EFCAB8: variants seen among roughly 807,000 people sequenced by gnomAD.
The protein encoded by EFCAB8 is EF-hand calcium binding domain 8.
EFCAB8 carries 100 observed loss-of-function variants against 116.3 expected under a neutral mutation model. The observed-to-expected ratio is 0.86, with a 90% confidence interval of 0.73 to 1.02. EFCAB8 has a LOEUF of 1.02. EFCAB8 is among the 50% of genes least tolerant of loss of function. EFCAB8 has a pLI of 0.00. For missense variants in EFCAB8, 1,320 were observed against 1,416.9 expected (o/e 0.93, Z 1.10); for synonymous variants, 558 against 567.9 (o/e 0.98, Z 0.25).
intron 5 of EFCAB8, among the ~76,000 whole-genome samples, chr20:32,881,365 T>C (rs1418313555): frequency 6.6e-6 from 1 of 152,074 alleles, no homozygotes; most frequent in Non-Finnish European, 1.5e-5. Flanking sequence ...CCTAGCTAAT[T>C]TCTATGTTTT....
intron 17 of EFCAB8, among the ~76,000 whole-genome samples, chr20:32,913,439 G>A (rs1237481963): frequency 2.6e-5 from 4 of 152,024 alleles, no homozygotes; most frequent in Non-Finnish European, 4.4e-5. Flanking sequence ...AAATTTCCTC[G>A]CCTTAGGGAT....
chr20:32,882,383 G>A (rs575446334), intron 5 of EFCAB8, among the ~76,000 whole-genome samples: 4 of 152,244 alleles, frequency 2.6e-5, no homozygotes, highest in African/African-American at 7.2e-5. Context: ...TCCAAGTGTC[G>A]ACAGAACCCA....
chr20:32,942,664 A>G (rs555624130), intron 22 of EFCAB8, among the ~76,000 whole-genome samples: 1 of 152,128 alleles, frequency 6.6e-6, no homozygotes, highest in Admixed American at 6.5e-5. Context: ...TTGGTGTTCA[A>G]GTCAGTTTTT....
intron 20 of EFCAB8, among the ~76,000 whole-genome samples, chr20:32,928,099 T>C (rs1263996911): frequency 6.6e-6 from 1 of 152,236 alleles, no homozygotes; most frequent in Non-Finnish European, 1.5e-5. Context: ...GTAACTGGCT[T>C]ATGTCACTTA....
intron 9 of EFCAB8, among the ~76,000 whole-genome samples, 189 bp from the exon 10 acceptor site, chr20:32,896,265 C>G (rs912865006): frequency 6.6e-6 from 1 of 152,146 alleles, no homozygotes; most frequent in African/African-American, 2.4e-5. Flanking sequence ...CTGCCTGAGT[C>G]TTTTTCCTGG....
chr20:32,911,268 C>A (rs561632291), intron 15 of EFCAB8, among the ~76,000 whole-genome samples: 19 of 152,202 alleles, frequency 1.2e-4, no homozygotes, highest in African/African-American at 1.7e-4. Context: ...AACAGGTCTT[C>A]ACCAAACGTT....
At position 32,893,200 on chromosome 20, in the gene EFCAB8, G is replaced by A. The variant is rs749939956; in HGVS notation, c.785G>A (p.Cys262Tyr). 9 of 1,552,008 alleles carry A rather than the reference G, an allele frequency of 5.8e-6. No homozygotes were observed. The highest frequency in any genetic ancestry group is 7.8e-6 in the Non-Finnish European group (9 of 1,147,068). Residue 262 changes from cysteine (C) to tyrosine (Y), a missense_variant, in exon 9 of 27, where the codon TGC (cysteine) becomes TAC (tyrosine). Coordinates refer to ENST00000400522, the MANE Select transcript of EFCAB8 (RefSeq NM_001143967.2). ...TCTGACTATCACAGAGGTGTGTTCT[G>A]CTATGGAGACGCCAAAGGCAACGTC... ...YWSDYHRGVF[C>Y]YGDAKGNVIV...
intron 23 of EFCAB8, among the ~76,000 whole-genome samples, chr20:32,950,313 ACT>A (rs1988759757): frequency 6.6e-6 from 1 of 152,224 alleles, no homozygotes; most frequent in African/African-American, 2.4e-5. Context: ...GAATATATAA[ACT>A]CTCAGAACTC....
intron 11 of EFCAB8, among the ~76,000 whole-genome samples, chr20:32,905,243 G>A (rs528107822): frequency 6.6e-6 from 1 of 152,310 alleles, no homozygotes; most frequent in East Asian, 1.9e-4. Flanking sequence ...TTATGGCTGA[G>A]ACCCTGATAA....
At chr20:32,942,955 T>C (rs1302168943) in intron 22 of EFCAB8, among the ~76,000 whole-genome samples, 1 of 152,220 alleles carries the variant, frequency 6.6e-6, no homozygotes, top group African/African-American at 2.4e-5. Context: ...TCTATTGTCT[T>C]CCATTGCTTT....
At chr20:32,886,457 C>A (rs576121210) in intron 6 of EFCAB8, among the ~76,000 whole-genome samples, 1 of 152,302 alleles carries the variant, frequency 6.6e-6, no homozygotes, top group African/African-American at 2.4e-5. Context: ...ATTGAGAACA[C>A]AGCCCCCAGA....
intron 23 of EFCAB8, among the ~76,000 whole-genome samples, chr20:32,945,209 A>G (rs1988550097): frequency 6.6e-6 from 1 of 152,082 alleles, no homozygotes; most frequent in South Asian, 2.1e-4. Flanking sequence ...CCCAGGGTTG[A>G]GTGCAGTGGC....
At chr20:32,911,058 A>G (rs1050205257) in intron 15 of EFCAB8, among the ~76,000 whole-genome samples, 1 of 152,122 alleles carries the variant, frequency 6.6e-6, no homozygotes, top group Non-Finnish European at 1.5e-5. Context: ...CTCTTGCATT[A>G]TAACAATGGT....
At chr20:32,874,511 ACT>A (rs1568900971) in intron 3 of EFCAB8, among the ~76,000 whole-genome samples, 1 of 152,126 alleles carries the variant, frequency 6.6e-6, no homozygotes, top group Non-Finnish European at 1.5e-5. Flanking sequence ...GACATGAGCC[ACT>A]GTGCCTGGCC....
intron 1 of EFCAB8, among the ~76,000 whole-genome samples, chr20:32,862,454 T>A (rs1347396243): frequency 6.6e-6 from 1 of 152,132 alleles, no homozygotes; most frequent in Admixed American, 6.6e-5. Context: ...TGCTCCTTTT[T>A]CTGAAAGTGG....
At chr20:32,863,287 A>G (rs1984213538) in intron 1 of EFCAB8, among the ~76,000 whole-genome samples, 1 of 152,114 alleles carries the variant, frequency 6.6e-6, no homozygotes, top group Admixed American at 6.6e-5. Context: ...TTCTCTTTAT[A>G]TTCCCAGAGC....
chr20:32,961,742 G>A lies in EFCAB8; in HGVS notation c.*133G>A. 1 of 496,470 alleles carries A rather than the reference G, an allele frequency of 2.0e-6. No homozygotes were observed. The highest frequency in any genetic ancestry group is 3.2e-6 in the Non-Finnish European group (1 of 310,162). The allele number at this position is 496,470 out of a possible 1,614,324, so 30.8% of individuals were successfully genotyped here. A position where few individuals can be genotyped will look rare whatever the true frequency, so the allele number is the denominator to read the frequency against. ...CCGGCCACCCCACTGGGCCTCTCTG[G>A]GGAAGTTCACCTGTCTCCTAATCTT... is the stretch of plus-strand genomic sequence containing the variant. On this transcript the variant is annotated 3_prime_UTR_variant, in exon 27 of 27. Transcript: ENST00000400522.
chr20:32,910,040 T>C, intron 15 of EFCAB8, 109 bp downstream of exon 15: 1 of 477,990 alleles, frequency 2.1e-6, no homozygotes, highest in Non-Finnish European at 3.4e-6. Context: ...CATGGCACAT[T>C]GGGAACTCTT....
intron 23 of EFCAB8, among the ~76,000 whole-genome samples, chr20:32,950,427 C>T (rs1003403083): frequency 1.3e-5 from 2 of 152,168 alleles, no homozygotes; most frequent in South Asian, 2.1e-4. Flanking sequence ...AGAGGAAACA[C>T]GAAGGACAGC....
Sources: gnomAD v4.1 joint callset for allele counts (sites outside exome capture counted in the v4.1 genomes callset) on GRCh38, gnomAD v4.1.1 for gene constraint, MANE v1.5 for transcripts, NCBI Gene and HGNC (gene_info 2026-07-23, HGNC 2026-07-21) for gene names.